The following TNS1 variants were observed in gnomAD, a reference collection of about 807,000 sequenced individuals.
TNS1 encodes the protein tensin 1, also known as tensin-1.
Under a neutral mutation model 168.6 loss-of-function variants are expected in TNS1, and 62 were observed. The ratio of observed to expected loss-of-function variants is 0.37; its 90% CI spans 0.30 to 0.45. The LOEUF (loss-of-function observed/expected upper bound fraction) is 0.45. TNS1 is among the 20% of genes least tolerant of loss of function. The probability of loss-of-function intolerance (pLI) is 1.00; values close to 1 mark genes in which losing one functional copy is unlikely to be tolerated. For missense variants in TNS1, 2,240 were observed against 2,339.4 expected (o/e 0.96, Z 0.88); for synonymous variants, 934 against 933.2 (o/e 1.00, Z -0.02).
chr2:217,973,289 C>A (rs1318078432), intron 3 of TNS1, among the ~76,000 whole-genome samples: 1 of 150,862 alleles, frequency 6.6e-6, no homozygotes, highest in African/African-American at 2.5e-5. Context: ...TGGCTTGAGC[C>A]CATGAAACTG....
chr2:218,026,618 C>A (rs1328025526), intron 1 of TNS1, among the ~76,000 whole-genome samples: 1 of 152,232 alleles, frequency 6.6e-6, no homozygotes. Flanking sequence ...TCCCACCCAA[C>A]CACTTCTGGC....
chr2:217,806,605 T>G (rs972229), intron 32 of TNS1, among the ~76,000 whole-genome samples: 63,579 of 152,114 alleles, frequency 0.42, 15,260 homozygotes, highest in African/African-American at 0.65. Context: ...GCCTGCTGCC[T>G]TGGCCAGCAG....
intron 11 of TNS1, among the ~76,000 whole-genome samples, chr2:217,892,374 T>C (rs921232815): frequency 1.3e-5 from 2 of 152,254 alleles, no homozygotes; most frequent in African/African-American, 4.8e-5. Flanking sequence ...AGTGCTGGGA[T>C]TACAGGCGTG....
chr2:217,966,545 G>C (rs142411423), intron 3 of TNS1, among the ~76,000 whole-genome samples: 9 of 152,098 alleles, frequency 5.9e-5, no homozygotes, highest in Non-Finnish European at 8.8e-5. Flanking sequence ...ATTTCCCAGG[G>C]CAAACACGGG....
chr2:217,817,078 G>C (rs1363228755), intron 24 of TNS1, among the ~76,000 whole-genome samples: 4 of 152,194 alleles, frequency 2.6e-5, no homozygotes, highest in African/African-American at 7.2e-5. Context: ...GCACTGTGGG[G>C]CTGGCAAAGG....
chr2:218,007,044 C>A (rs933628499), upstream of TNS1, among the ~76,000 whole-genome samples: 1 of 152,110 alleles, frequency 6.6e-6, no homozygotes, highest in African/African-American at 2.4e-5. Context: ...AGCCTGCCAC[C>A]TCTCACAATG....
intron 17 of TNS1, 142 bp from the exon 18 acceptor site, chr2:217,881,156 G>A: frequency 1.6e-6 from 1 of 628,284 alleles, no homozygotes; most frequent in Non-Finnish European, 2.8e-6. Context: ...TGAGCGTGGT[G>A]GGCGGGACCA....
At chr2:217,967,002 C>T (rs932911822) in intron 3 of TNS1, among the ~76,000 whole-genome samples, 1 of 152,200 alleles carries the variant, frequency 6.6e-6, no homozygotes, top group South Asian at 2.1e-4. Flanking sequence ...GTCACGTAGT[C>T]ACCATGCAGG....
chr2:218,002,812 A>G, intron 1 of TNS1, 28 bp downstream of exon 1: 1 of 456,632 alleles, frequency 2.2e-6, no homozygotes, highest in South Asian at 1.5e-5. Context: ...AGGAAGAGTA[A>G]CGTCGCAGCT....
At chr2:217,981,791 C>G (rs1237394441) in intron 2 of TNS1, among the ~76,000 whole-genome samples, 1 of 152,232 alleles carries the variant, frequency 6.6e-6, no homozygotes, top group Non-Finnish European at 1.5e-5. Context: ...GTCCTCCTCT[C>G]TAACGTGCAT....
chr2:217,815,023 T>C, intron 24 of TNS1, 25 bp from the exon 25 acceptor site: 1 of 1,589,174 alleles, frequency 6.3e-7, no homozygotes, highest in Non-Finnish European at 8.6e-7. Context: ...GGGAAGAAAG[T>C]GTTATGGGTT....
chr2:217,879,213 A>G (rs979520296), intron 18 of TNS1: 9 of 290,800 alleles, frequency 3.1e-5, no homozygotes, highest in Non-Finnish European at 5.5e-5. Context: ...TTTGCCTGGC[A>G]CTTTATAGTT....
intron 24 of TNS1, 156 bp from the exon 25 acceptor site, chr2:217,815,154 A>G (rs1941682740): frequency 1.6e-6 from 1 of 639,420 alleles, no homozygotes; most frequent in African/African-American, 1.8e-5. Flanking sequence ...ACACAGGATT[A>G]GGGTGAGCCT....
At chr2:217,958,255 T>C (rs1957412931) in intron 3 of TNS1, among the ~76,000 whole-genome samples, 1 of 152,104 alleles carries the variant, frequency 6.6e-6, no homozygotes. Context: ...AGGATGGTGA[T>C]AACTGACATG....
chr2:217,837,675 T>C (rs182436590), intron 19 of TNS1, among the ~76,000 whole-genome samples: 5 of 152,306 alleles, frequency 3.3e-5, no homozygotes, highest in Non-Finnish European at 5.9e-5. Flanking sequence ...GCTAAGAAAA[T>C]AGCGCCCAGG....
At chr2:217,911,532 A>G (rs1160768744) in intron 4 of TNS1, among the ~76,000 whole-genome samples, 1 of 152,194 alleles carries the variant, frequency 6.6e-6, no homozygotes, top group African/African-American at 2.4e-5. Flanking sequence ...CTTTTCATAA[A>G]CTTATTGCAA....
chr2:218,003,699 C>A (rs1423562612), upstream of TNS1, among the ~76,000 whole-genome samples: 1 of 151,980 alleles, frequency 6.6e-6, no homozygotes, highest in Admixed American at 6.5e-5. Context: ...TGAAAGGGAG[C>A]CCCGCTCCAG....
intron 3 of TNS1, among the ~76,000 whole-genome samples, chr2:217,967,875 C>G (rs1957686606): frequency 6.6e-6 from 1 of 152,096 alleles, no homozygotes; most frequent in Non-Finnish European, 1.5e-5. Flanking sequence ...ATATCTCTTT[C>G]GAATATAGAT....
chr2:217,945,114 C>T (rs978543649), intron 3 of TNS1, among the ~76,000 whole-genome samples: 6 of 152,084 alleles, frequency 3.9e-5, no homozygotes, highest in African/African-American at 1.2e-4. Context: ...ACCTGGCTGG[C>T]TCCACAGCCA....
Sources: gnomAD v4.1 joint callset for allele counts (sites outside exome capture counted in the v4.1 genomes callset) on GRCh38, gnomAD v4.1.1 for gene constraint, MANE v1.5 for transcripts, NCBI Gene and HGNC (gene_info 2026-07-23, HGNC 2026-07-21) for gene names.